UNC13B: variants seen among roughly 807,000 people sequenced by gnomAD.
UNC13B encodes unc-13 homolog B.
Under a neutral mutation model 211.0 loss-of-function variants are expected in UNC13B, and 144 were observed. The ratio of observed to expected loss-of-function variants is 0.68; its 90% confidence interval spans 0.60 to 0.78. The LOEUF is 0.78. UNC13B is among the 30% of genes least tolerant of loss of function. The pLI, the probability that UNC13B is intolerant of heterozygous loss-of-function variation, is 0.00. For missense variants in UNC13B, 1,777 were observed against 2,002.0 expected (o/e 0.89, Z 2.14); for synonymous variants, 709 against 725.8 (o/e 0.98, Z 0.37).
chr9:35,256,328 T>A (rs539722761), intron 6 of UNC13B, among the ~76,000 whole-genome samples: 5 of 152,130 alleles, frequency 3.3e-5, no homozygotes, highest in Non-Finnish European at 7.4e-5. Context: ...CTTTTCTTGT[T>A]TCTCATGACC....
intron 11 of UNC13B, among the ~76,000 whole-genome samples, chr9:35,359,492 T>A (rs1363291845): frequency 6.6e-6 from 1 of 152,128 alleles, no homozygotes; most frequent in Non-Finnish European, 1.5e-5. Context: ...ACGTAACACC[T>A]CCTTATGGAT....
intron 6 of UNC13B, among the ~76,000 whole-genome samples, chr9:35,245,867 G>C: frequency 6.6e-6 from 1 of 152,176 alleles, no homozygotes; most frequent in Middle Eastern, 3.2e-3. Context: ...TCTATACCCA[G>C]TAATGGGATG....
At chr9:35,256,876 T>G (rs1243169375) in intron 6 of UNC13B, among the ~76,000 whole-genome samples, 1 of 152,192 alleles carries the variant, frequency 6.6e-6, no homozygotes, top group Non-Finnish European at 1.5e-5. Flanking sequence ...CCCTGTCTGT[T>G]TTTTGTAGAC....
At chr9:35,341,409 C>T (rs1831984712) in intron 11 of UNC13B, among the ~76,000 whole-genome samples, 1 of 152,180 alleles carries the variant, frequency 6.6e-6, no homozygotes, top group South Asian at 2.1e-4. Flanking sequence ...TTGCCAAATG[C>T]TGACAACAGA....
At chr9:35,358,182 T>C (rs1179256770) in intron 11 of UNC13B, among the ~76,000 whole-genome samples, 1 of 152,252 alleles carries the variant, frequency 6.6e-6, no homozygotes, top group Non-Finnish European at 1.5e-5. Context: ...TGTACACATG[T>C]ATCACATTTT....
intron 1 of UNC13B, among the ~76,000 whole-genome samples, chr9:35,217,650 A>G (rs1458308273): frequency 1.3e-5 from 2 of 152,038 alleles, no homozygotes; most frequent in South Asian, 4.1e-4. Flanking sequence ...CGGCCTCCCA[A>G]AGTGCTGGGA....
intron 37 of UNC13B, chr9:35,402,138 G>C: frequency 1.3e-6 from 1 of 793,404 alleles, no homozygotes; most frequent in Non-Finnish European, 2.1e-6. Context: ...TCAAGTCTTA[G>C]AGATGGGTAA....
At chr9:35,219,850 G>A (rs1035543451) in intron 1 of UNC13B, among the ~76,000 whole-genome samples, 1 of 152,050 alleles carries the variant, frequency 6.6e-6, no homozygotes, top group African/African-American at 2.4e-5. Context: ...CAAAGTTGGT[G>A]TGCATTCCTT....
At chr9:35,167,218 C>T (rs763545443) in intron 1 of UNC13B, among the ~76,000 whole-genome samples, 9 of 151,800 alleles carry the variant, frequency 5.9e-5, no homozygotes, top group South Asian at 2.1e-4. Context: ...GGATTACAGG[C>T]GCCCATCACC....
chr9:35,390,027 C>T (rs777868276), intron 25 of UNC13B, 54 bp downstream of exon 25: 6 of 1,601,172 alleles, frequency 3.7e-6, no homozygotes, highest in Non-Finnish European at 5.1e-6. Flanking sequence ...GTCCATCTGT[C>T]TAACAACCTC....
intron 11 of UNC13B, among the ~76,000 whole-genome samples, chr9:35,340,596 C>T (rs1831929440): frequency 6.6e-6 from 1 of 152,128 alleles, no homozygotes; most frequent in Non-Finnish European, 1.5e-5. Flanking sequence ...TGTTGCAGGG[C>T]AGCAGAAGTC....
chr9:35,198,833 G>A (rs367994873), intron 1 of UNC13B, among the ~76,000 whole-genome samples: 246 of 152,260 alleles, frequency 1.6e-3, no homozygotes, highest in African/African-American at 5.5e-3. Context: ...GAGGCATTAT[G>A]TCTCTGCCCT....
chr9:35,403,537 G>A lies in UNC13B; in HGVS notation c.12675G>A (p.Arg4225=). 6.2e-7 allele frequency: 1 copy of A among 1,613,244 alleles called. No individual in the cohort carries two copies. Among genetic ancestry groups the A allele is most frequent in the Non-Finnish European group, 8.5e-7 (1 of 1,179,822 alleles). The change falls in exon 39 of 40, where the codon AGG becomes AGA. Residue 4225 remains arginine (R), a synonymous_variant. Transcript: ENST00000635942. ...MVGPHQSDKK[R]KFTTKSKSNN... Reference sequence around the variant, plus strand: ...GCCCACACCAAAGTGATAAGAAGAGGAAGTTCACAACCAAATCCAAAAGCA... The same window carrying A: ...GCCCACACCAAAGTGATAAGAAGAGAAAGTTCACAACCAAATCCAAAAGCA...
At position 35,304,716 on chromosome 9, in the gene UNC13B, G is replaced by C; in HGVS notation, c.5312G>C (p.Ser1771Thr). 5.0e-6 allele frequency: 2 copies of C among 398,880 alleles called. No homozygotes were observed. Among genetic ancestry groups the C allele is most frequent in the Non-Finnish European group, 8.9e-6 (2 of 225,970 alleles). The allele number at this position is 398,880 out of a possible 1,614,324, so 24.7% of individuals were successfully genotyped here. ...GGTAGTACTTTGAAGTTTGATAAGA[G>C]TGAATCCTTAGAGGCTTTGGCCATG... is the stretch of plus-strand genomic sequence containing the variant. ...SVGSTLKFDK[S>T]ESLEALAMQK... Residue 1771 changes from serine (S) to threonine (T), a missense_variant, in exon 9 of 40, where the codon AGT (serine) becomes ACT (threonine). Coordinates refer to ENST00000635942, the MANE Select transcript of UNC13B (RefSeq NM_001371189.2).
At chr9:35,208,046 T>G (rs1001314742) in intron 1 of UNC13B, among the ~76,000 whole-genome samples, 1 of 152,238 alleles carries the variant, frequency 6.6e-6, no homozygotes, top group Non-Finnish European at 1.5e-5. Flanking sequence ...GTATTTTTAC[T>G]TAAAATACAT....
At chr9:35,309,736 G>T (rs1231341946) in intron 9 of UNC13B, among the ~76,000 whole-genome samples, 1 of 152,154 alleles carries the variant, frequency 6.6e-6, no homozygotes, top group Non-Finnish European at 1.5e-5. Context: ...GTTGGACTTT[G>T]TCCACTCTTT....
Position 35,303,811 on chromosome 9 carries a change from A to G in UNC13B, c.4407A>G (p.Glu1469=), listed in dbSNP as rs1050083875. 3 of 398,688 alleles carry G rather than the reference A, an allele frequency of 7.5e-6. No individual in the cohort carries two copies. The allele number at this position is 398,688 out of a possible 1,614,324, so 24.7% of individuals were successfully genotyped here. The change falls in exon 9 of 40, where the codon GAA becomes GAG. Residue 1469 remains glutamate (E), a synonymous_variant. Coordinates refer to ENST00000635942, the MANE Select transcript of UNC13B (RefSeq NM_001371189.2). ...LPINEANNSL[E]ELPIDLSSSS... Reference sequence around the variant, plus strand: ...TTAATGAGGCTAATAATTCACTAGAAGAATTACCCATTGACTTAAGTTCTT... The same window carrying G: ...TTAATGAGGCTAATAATTCACTAGAGGAATTACCCATTGACTTAAGTTCTT...
chr9:35,386,069 A>T lies in UNC13B; in HGVS notation c.10966-96A>T, dbSNP rs553547357. Reference sequence around the variant, plus strand: ...GAAAAGTCTAGGGACCCAGACAGGGATGAAAGAATCTAGAGTAGGTTTGGG... The same window carrying T: ...GAAAAGTCTAGGGACCCAGACAGGGTTGAAAGAATCTAGAGTAGGTTTGGG... On this transcript the variant is annotated intron_variant, in intron 23 of 39. Coordinates refer to ENST00000635942, the MANE Select transcript of UNC13B (RefSeq NM_001371189.2). 9 of 1,557,914 alleles carry T rather than the reference A, an allele frequency of 5.8e-6. No individual in the cohort carries two copies. In the East Asian group the frequency reaches 1.6e-4, roughly 27 times the overall value.
rs1193100198 is a variant in UNC13B at position 35,305,351 on chromosome 9, G to A, written c.5947G>A (p.Gly1983Ser). The A allele has an allele frequency of 1.5e-5, 6 of 398,686 alleles. No homozygotes were observed. The highest frequency in any genetic ancestry group is 4.4e-5 in the Admixed American group (1 of 22,688). 24.7% of individuals were successfully genotyped at this position (398,686 alleles called of 1,614,324 possible). A position where few individuals can be genotyped will look rare whatever the true frequency, so the allele number is the denominator to read the frequency against. The part of the protein sequence containing the change: ...KESSGVSNFW[G>S]TLGDFFKANV... ...ATCTTCTGGTGTTTCAAATTTTTGG[G>A]GTACCCTTGGGGATTTCTTTAAAGC... Residue 1983 changes from glycine to serine, a missense_variant, in exon 9 of 40, where the codon GGT (glycine) becomes AGT (serine). By Grantham distance (56) the Gly-to-Ser change is moderately conservative (BLOSUM62 0). Transcript: ENST00000635942.
Sources: allele counts gnomAD v4.1 joint callset (sites outside exome capture counted in the v4.1 genomes callset), GRCh38; gene constraint gnomAD v4.1.1; transcripts MANE v1.5; gene names NCBI Gene and HGNC (gene_info 2026-07-23, HGNC 2026-07-21).